The following NEDD9 variants were observed in gnomAD, a reference collection of about 807,000 sequenced individuals.
NEDD9 encodes the protein enhancer of filamentation 1.
Under a neutral mutation model 76.6 loss-of-function variants are expected in NEDD9, and 26 were observed. The ratio of observed to expected loss-of-function variants is 0.34; its 90% CI spans 0.25 to 0.47. The LOEUF (loss-of-function observed/expected upper bound fraction) is 0.47. Ranked by LOEUF, NEDD9 falls within the 20% of genes least tolerant of loss-of-function variation. The pLI, the probability that NEDD9 is intolerant of heterozygous loss-of-function variation, is 1.00. For synonymous variants in NEDD9, 392 were observed against 414.2 expected, an observed-to-expected ratio of 0.95 and a Z score of 0.65; for missense variants, 937 against 1,058.5, an observed-to-expected ratio of 0.89 and a Z score of 1.59.
chr6:11,353,461 C>T (rs144215283), intron 1 of NEDD9, among the ~76,000 whole-genome samples: 3 of 152,304 alleles, frequency 2.0e-5, no homozygotes, highest in South Asian at 2.1e-4. Flanking sequence ...CAGGAATGCC[C>T]GGGGCTGCTG....
intron 2 of NEDD9, among the ~76,000 whole-genome samples, chr6:11,211,193 G>A (rs933978558): frequency 1.3e-5 from 2 of 152,148 alleles, no homozygotes; most frequent in Non-Finnish European, 2.9e-5. Context: ...AGTGCCCGAG[G>A]GTCACCCCAG....
intron 2 of NEDD9, among the ~76,000 whole-genome samples, chr6:11,309,108 A>G (rs559540445): frequency 1.4e-4 from 21 of 152,276 alleles, no homozygotes; most frequent in African/African-American, 5.1e-4. Flanking sequence ...TGGCACTCCT[A>G]TACAATAAAG....
chr6:11,204,435 T>C (rs1758541569), intron 2 of NEDD9, among the ~76,000 whole-genome samples: 1 of 152,072 alleles, frequency 6.6e-6, no homozygotes, highest in Non-Finnish European at 1.5e-5. Context: ...GGAAAGACAG[T>C]CTTAGGCCAG....
chr6:11,356,014 C>CGT (rs1561845993), intron 1 of NEDD9, among the ~76,000 whole-genome samples: 3 of 152,170 alleles, frequency 2.0e-5, no homozygotes, highest in Non-Finnish European at 4.4e-5. Context: ...AGCCACCATG[C>CGT]CCGGCCGAGA....
At chr6:11,305,368 C>A in intron 3 of NEDD9, 1 of 290,314 alleles carries the variant, frequency 3.4e-6, no homozygotes, top group Non-Finnish European at 6.7e-6. Flanking sequence ...AAGCAAGGAC[C>A]AAAATTCAGA....
At chr6:11,313,053 G>A (rs1761423140) in intron 2 of NEDD9, among the ~76,000 whole-genome samples, 1 of 152,192 alleles carries the variant, frequency 6.6e-6, no homozygotes, top group Non-Finnish European at 1.5e-5. Context: ...CTTATTGAAG[G>A]TTTGTGAAGT....
intron 2 of NEDD9, chr6:11,200,175 G>A: frequency 2.7e-6 from 1 of 373,596 alleles, no homozygotes; most frequent in East Asian, 8.2e-5. Context: ...TTGGACTATA[G>A]GGCTCACCAA....
At chr6:11,205,652 G>GT (rs1758586712) in intron 2 of NEDD9, among the ~76,000 whole-genome samples, 1 of 150,752 alleles carries the variant, frequency 6.6e-6, no homozygotes, top group Admixed American at 6.6e-5. Context: ...TTGAGACAGA[G>GT]TTTTGCTCTT....
intron 3 of NEDD9, among the ~76,000 whole-genome samples, chr6:11,304,011 G>C (rs1445896105): frequency 6.6e-6 from 1 of 152,182 alleles, no homozygotes; most frequent in Non-Finnish European, 1.5e-5. Context: ...TACCATCAGA[G>C]TGAACAGGCA....
At chr6:11,191,414 G>A (rs1391826421) in intron 4 of NEDD9, among the ~76,000 whole-genome samples, 2 of 151,630 alleles carry the variant, frequency 1.3e-5, no homozygotes, top group Admixed American at 6.6e-5. Flanking sequence ...GTGCAGACTC[G>A]TATGTACAAC....
chr6:11,258,038 AAG>A (rs1404667686), intron 3 of NEDD9, among the ~76,000 whole-genome samples: 1 of 152,230 alleles, frequency 6.6e-6, no homozygotes, highest in East Asian at 1.9e-4. Flanking sequence ...GGCCAGAAGA[AAG>A]AGGACTCTAT....
intron 1 of NEDD9, among the ~76,000 whole-genome samples, chr6:11,380,066 C>G (rs1326642790): frequency 1.3e-5 from 2 of 152,208 alleles, no homozygotes; most frequent in Non-Finnish European, 2.9e-5. Context: ...TGCCTGTGCC[C>G]TTTCTCCAAG....
intron 1 of NEDD9, among the ~76,000 whole-genome samples, chr6:11,371,245 G>A (rs1762868868): frequency 1.3e-5 from 2 of 152,172 alleles, no homozygotes; most frequent in African/African-American, 2.4e-5. Context: ...TGGCACATTT[G>A]CTACAATCAA....
intron 1 of NEDD9, among the ~76,000 whole-genome samples, chr6:11,362,344 T>C (rs1274588738): frequency 6.6e-6 from 1 of 152,192 alleles, no homozygotes; most frequent in East Asian, 1.9e-4. Context: ...GTTCTAGCAG[T>C]CCAAACTTAT....
At chr6:11,356,312 G>A (rs144015004) in intron 1 of NEDD9, among the ~76,000 whole-genome samples, 3,081 of 152,254 alleles carry the variant, frequency 0.02, 113 homozygotes, top group African/African-American at 0.07. Flanking sequence ...AATACTGCCT[G>A]CCACACCTGG....
At chr6:11,307,659 T>C (rs1054866397) in intron 2 of NEDD9, among the ~76,000 whole-genome samples, 5 of 152,012 alleles carry the variant, frequency 3.3e-5, no homozygotes, top group South Asian at 2.1e-4. Flanking sequence ...CACACACACA[T>C]GTCATTAATT....
At chr6:11,322,963 C>T (rs529645642) in intron 2 of NEDD9, among the ~76,000 whole-genome samples, 12 of 152,316 alleles carry the variant, frequency 7.9e-5, no homozygotes, top group African/African-American at 2.6e-4. Flanking sequence ...TATTAATTCC[C>T]GGCATGGGAG....
intron 1 of NEDD9, among the ~76,000 whole-genome samples, chr6:11,373,132 G>C (rs1762909210): frequency 6.7e-6 from 1 of 148,242 alleles, no homozygotes; most frequent in African/African-American, 2.5e-5. Flanking sequence ...GTGGTTCCTT[G>C]AACTGTTTTG....
intron 1 of NEDD9, among the ~76,000 whole-genome samples, chr6:11,352,001 GT>G (rs1371689081): frequency 6.6e-6 from 1 of 152,218 alleles, no homozygotes; most frequent in African/African-American, 2.4e-5. Flanking sequence ...TGGTCCACAG[GT>G]GCCAGCTTCT....
Sources: gnomAD v4.1 joint callset for allele counts (sites outside exome capture counted in the v4.1 genomes callset) on GRCh38, gnomAD v4.1.1 for gene constraint, MANE v1.5 for transcripts, NCBI Gene and HGNC (gene_info 2026-07-23, HGNC 2026-07-21) for gene names.